The following KIZ variants were observed in gnomAD, a reference collection of about 807,000 sequenced individuals.
KIZ encodes centrosomal protein kizuna.
Under a neutral mutation model 79.6 loss-of-function variants are expected in KIZ, and 68 were observed. The ratio of observed to expected loss-of-function variants is 0.85; its 90% CI spans 0.70 to 1.05. The LOEUF is 1.05. KIZ is among the 50% of genes least tolerant of loss of function. The pLI is 0.00. For missense variants in KIZ, 797 were observed against 800.4 expected, an observed-to-expected ratio of 1.00 and a Z score of 0.05; for synonymous variants, 280 against 281.8, an observed-to-expected ratio of 0.99 and a Z score of 0.06.
At chr20:21,232,855 A>G (rs765644966) in intron 11 of KIZ, 25 bp downstream of exon 11, 3 of 958,442 alleles carry the variant, frequency 3.1e-6, no homozygotes, top group Non-Finnish European at 3.3e-6. Flanking sequence ...GCCTTTCTGA[A>G]TAGCAGCAAC....
At chr20:21,244,454 T>C in intron 12 of KIZ, 166 bp downstream of exon 12, 1 of 624,190 alleles carries the variant, frequency 1.6e-6, no homozygotes, top group Non-Finnish European at 2.9e-6. Flanking sequence ...TTCTGGAGGC[T>C]CAGTTCTTCA....
At chr20:21,179,597 C>G (rs1461295282) in intron 6 of KIZ, among the ~76,000 whole-genome samples, 1 of 150,390 alleles carries the variant, frequency 6.6e-6, no homozygotes, top group Non-Finnish European at 1.5e-5. Flanking sequence ...ATTATTATTT[C>G]CTTCTATCTA....
chr20:21,170,460 C>A (rs1238762684), intron 6 of KIZ, among the ~76,000 whole-genome samples: 2 of 151,446 alleles, frequency 1.3e-5, no homozygotes, highest in East Asian at 3.9e-4. Context: ...ACGATCTCAG[C>A]TCACTGCAAG....
At chr20:21,191,904 G>A (rs1019920141) in intron 6 of KIZ, among the ~76,000 whole-genome samples, 6 of 151,542 alleles carry the variant, frequency 4.0e-5, no homozygotes, top group African/African-American at 1.5e-4. Context: ...GGAGTTTAGT[G>A]AGAGAAGGCA....
intron 12 of KIZ, chr20:21,245,441 G>A (rs373810996): frequency 8.7e-4 from 132 of 152,326 alleles, no homozygotes; most frequent in African/African-American, 2.9e-3. Context: ...CCCCTTCAGC[G>A]TCCGTTTGTT....
chr20:21,227,112 C>G (rs1001210187), intron 9 of KIZ, among the ~76,000 whole-genome samples: 2 of 152,174 alleles, frequency 1.3e-5, no homozygotes, highest in Admixed American at 6.5e-5. Context: ...TTGGTAATTT[C>G]CTCCCTTGCT....
intron 3 of KIZ, among the ~76,000 whole-genome samples, chr20:21,143,109 G>GA (rs1600374574): frequency 6.6e-6 from 1 of 152,004 alleles, no homozygotes; most frequent in South Asian, 2.1e-4. Flanking sequence ...ACAGATATTG[G>GA]AAAAAAATAG....
chr20:21,141,225 A>T (rs569634413), intron 3 of KIZ, among the ~76,000 whole-genome samples: 106 of 152,180 alleles, frequency 7.0e-4, no homozygotes, highest in Non-Finnish European at 1.3e-3. Flanking sequence ...CCTGAAGCAG[A>T]CCTGGAGAAC....
chr20:21,132,199 C>T, intron 2 of KIZ, 40 bp downstream of exon 2: 1 of 952,462 alleles, frequency 1.0e-6, no homozygotes, highest in South Asian at 1.6e-5. Context: ...AGCCAGGTTC[C>T]ATATATTAAT....
At chr20:21,175,044 A>G (rs2034374930) in intron 6 of KIZ, among the ~76,000 whole-genome samples, 1 of 152,190 alleles carries the variant, frequency 6.6e-6, no homozygotes, top group Non-Finnish European at 1.5e-5. Flanking sequence ...TCTCTTGAAC[A>G]TGACCTTTGG....
intron 6 of KIZ, among the ~76,000 whole-genome samples, chr20:21,187,114 TA>T (rs1021570235): frequency 6.7e-6 from 1 of 150,328 alleles, no homozygotes; most frequent in African/African-American, 2.4e-5. Flanking sequence ...AAATAAAAAT[TA>T]AAAAAAAACA....
At chr20:21,155,574 G>T (rs190101573) in intron 4 of KIZ, among the ~76,000 whole-genome samples, 9 of 152,234 alleles carry the variant, frequency 5.9e-5, no homozygotes, top group Admixed American at 3.9e-4. Flanking sequence ...TTTCTTGTTG[G>T]AGTGATGAAA....
At chr20:21,126,074 G>C (rs570353034), upstream of KIZ, 6 of 1,356,964 alleles carry the variant, frequency 4.4e-6, no homozygotes, top group East Asian at 1.0e-4. Flanking sequence ...CCGGCCGAAC[G>C]GCCACCCAGA....
At chr20:21,191,715 CAG>C (rs929811870) in intron 6 of KIZ, among the ~76,000 whole-genome samples, 2 of 151,988 alleles carry the variant, frequency 1.3e-5, no homozygotes, top group East Asian at 1.9e-4. Context: ...TAAAAGAGAA[CAG>C]GGGGGGAAGC....
At chr20:21,246,028 T>A (rs1294823244) in intron 12 of KIZ, 1 of 158,802 alleles carries the variant, frequency 6.3e-6, no homozygotes, top group African/African-American at 2.4e-5. Context: ...TGGACCAAAG[T>A]CCTGTCTCAG....
chr20:21,134,290 G>A (rs1414555563), intron 2 of KIZ, among the ~76,000 whole-genome samples: 2 of 152,138 alleles, frequency 1.3e-5, no homozygotes, highest in Non-Finnish European at 2.9e-5. Flanking sequence ...AGGCTCTTAA[G>A]CATGACGGGA....
At chr20:21,244,456 A>G in intron 12 of KIZ, 168 bp downstream of exon 12, 1 of 621,572 alleles carries the variant, frequency 1.6e-6, no homozygotes, top group Non-Finnish European at 2.9e-6. Flanking sequence ...CTGGAGGCTC[A>G]GTTCTTCACA....
At chr20:21,148,758 T>G (rs182590213) in intron 4 of KIZ, 1 of 152,330 alleles carries the variant, frequency 6.6e-6, no homozygotes, top group East Asian at 1.9e-4. Context: ...GTAAGGTTTC[T>G]TTGAACTATT....
chr20:21,141,593 T>C (rs943814983), intron 3 of KIZ, among the ~76,000 whole-genome samples: 3 of 151,922 alleles, frequency 2.0e-5, no homozygotes, highest in African/African-American at 7.3e-5. Flanking sequence ...GTTGCCAGCA[T>C]CTGCCTTAGC....
Sources: gnomAD v4.1 joint callset for allele counts (sites outside exome capture counted in the v4.1 genomes callset) on GRCh38, gnomAD v4.1.1 for gene constraint, MANE v1.5 for transcripts, NCBI Gene and HGNC (gene_info 2026-07-23, HGNC 2026-07-21) for gene names.